Variants in RTTN observed in about 807,000 individuals in gnomAD.
RTTN encodes rotatin.
Under a neutral mutation model 269.2 loss-of-function variants are expected in RTTN, and 182 were observed. The ratio of observed to expected loss-of-function variants is 0.68; its 90% confidence interval spans 0.60 to 0.76. The LOEUF (loss-of-function observed/expected upper bound fraction) is 0.76, where lower values mean the gene tolerates loss of function less well. Ranked by LOEUF, RTTN falls within the 30% of genes least tolerant of loss-of-function variation. The pLI, the probability that RTTN is intolerant of heterozygous loss-of-function variation, is 0.00. For missense variants in RTTN, 2,545 were observed against 2,608.6 expected (o/e 0.98, Z 0.53); for synonymous variants, 1,006 against 963.5 (o/e 1.04, Z -0.82).
At chr18:70,103,906 T>TAGAG (rs927548129) in intron 28 of RTTN, among the ~76,000 whole-genome samples, 1 of 152,200 alleles carries the variant, frequency 6.6e-6, no homozygotes, top group Admixed American at 6.5e-5. Flanking sequence ...CCTTTCTCTC[T>TAGAG]GGCTGCCCTT....
chr18:70,144,716 G>A (rs972502193), intron 18 of RTTN, among the ~76,000 whole-genome samples: 3 of 152,106 alleles, frequency 2.0e-5, no homozygotes, highest in Admixed American at 6.6e-5. Flanking sequence ...CCCCCTGCCA[G>A]CACTGTCATA....
intron 33 of RTTN, chr18:70,074,826 G>A (rs1052036308): frequency 6.6e-5 from 10 of 151,596 alleles, no homozygotes; most frequent in African/African-American, 2.2e-4. Flanking sequence ...GAATAAAAAG[G>A]TTTCAGGAAA....
At chr18:70,020,406 G>C (rs1182269840) in intron 45 of RTTN, among the ~76,000 whole-genome samples, 2 of 152,136 alleles carry the variant, frequency 1.3e-5, no homozygotes, top group Middle Eastern at 3.2e-3. Flanking sequence ...AGAAGGAAAT[G>C]GTATGACTCT....
At chr18:70,031,082 TTCA>T in intron 40 of RTTN, 101 bp from the exon 41 acceptor site, 1 of 704,152 alleles carries the variant, frequency 1.4e-6, no homozygotes, top group East Asian at 2.7e-5. Flanking sequence ...ATTGCTAGGT[TTCA>T]ACTATCATGT....
chr18:70,039,373 A>T (rs1271551733), intron 40 of RTTN, among the ~76,000 whole-genome samples: 3 of 152,008 alleles, frequency 2.0e-5, no homozygotes, highest in African/African-American at 4.8e-5. Flanking sequence ...ACAGGTCACG[A>T]GAGAGTGGCA....
chr18:70,082,294 T>A (rs1455940388), intron 32 of RTTN, among the ~76,000 whole-genome samples: 1 of 152,204 alleles, frequency 6.6e-6, no homozygotes, highest in Non-Finnish European at 1.5e-5. Context: ...ATACATAACA[T>A]GATTATAACA....
chr18:70,102,315 C>T (rs1568382325), intron 28 of RTTN, among the ~76,000 whole-genome samples: 1 of 152,184 alleles, frequency 6.6e-6, no homozygotes, highest in Non-Finnish European at 1.5e-5. Flanking sequence ...GAACTGATCC[C>T]TTTACCATTA....
intron 14 of RTTN, among the ~76,000 whole-genome samples, chr18:70,163,451 G>A (rs2060901924): frequency 6.6e-6 from 1 of 151,774 alleles, no homozygotes; most frequent in African/African-American, 2.4e-5. Context: ...GGCACTGCCA[G>A]TGGGAACATA....
chr18:70,023,318 G>C (rs2056760376), intron 44 of RTTN, among the ~76,000 whole-genome samples: 1 of 152,080 alleles, frequency 6.6e-6, no homozygotes, highest in Non-Finnish European at 1.5e-5. Flanking sequence ...CTAAATTTTA[G>C]AGTAATTTCT....
intron 28 of RTTN, among the ~76,000 whole-genome samples, chr18:70,106,783 C>A (rs2059331857): frequency 6.6e-6 from 1 of 151,920 alleles, no homozygotes; most frequent in Non-Finnish European, 1.5e-5. Flanking sequence ...CAAGAAGTCA[C>A]CCACAGCATG....
chr18:70,122,470 C>T (rs2059763873), intron 25 of RTTN, among the ~76,000 whole-genome samples: 1 of 152,062 alleles, frequency 6.6e-6, no homozygotes, highest in South Asian at 2.1e-4. Context: ...TCTTAATACT[C>T]AGCATTTATG....
At chr18:70,130,753 T>C (rs186731664) in intron 23 of RTTN, 5 of 150,458 alleles carry the variant, frequency 3.3e-5, no homozygotes, top group Admixed American at 6.6e-5. Flanking sequence ...TTAACAGTAA[T>C]TTGTTGTATA....
rs766459740 is a variant in RTTN, at chr18:70,054,148, C to T, written c.5168G>A (p.Cys1723Tyr). 6.2e-7 allele frequency: 1 copy of T among 1,613,120 alleles called. No individual in the cohort carries two copies. Among genetic ancestry groups the T allele is most frequent in the Non-Finnish European group, 8.5e-7 (1 of 1,179,176 alleles). The change falls in exon 38 of 49, where the codon TGT becomes TAT. Residue 1723 changes from cysteine to tyrosine, a missense_variant. By Grantham distance (194) the Cys-to-Tyr change is radical. Transcript: ENST00000640769. ...AAGCTTACCTAATACATCTTTGGTA[C>T]ATATGGTGAGAATTCCAATGATATT... ...ITNIIGILTI[C>Y]TKDVLDKELI...
chr18:70,093,113 G>T lies in RTTN; in HGVS notation c.3904-309C>A, dbSNP rs558146772. ...CCAGCTACCGGGGAAGCTGAGGAGGGAGGATCCCTTGAGCCTGGGAGCTGG... is the reference window on the plus strand; with the variant it reads ...CCAGCTACCGGGGAAGCTGAGGAGGTAGGATCCCTTGAGCCTGGGAGCTGG... On this transcript the variant is annotated intron_variant, in intron 28 of 48. Coordinates refer to ENST00000640769, the MANE Select transcript of RTTN (RefSeq NM_173630.4). Among the ~76,000 whole-genome samples, 37 of 152,280 alleles carry T rather than the reference G, an allele frequency of 2.4e-4. 1 individual carries two copies. Among genetic ancestry groups the T allele is most frequent in the African/African-American group, 8.2e-4 (34 of 41,560 alleles).
chr18:70,102,455 C>T (rs547952434), intron 28 of RTTN, among the ~76,000 whole-genome samples: 2 of 152,214 alleles, frequency 1.3e-5, no homozygotes, highest in African/African-American at 2.4e-5. Flanking sequence ...TATTTTGAGC[C>T]TATGTATGTC....
chr18:70,127,330 C>G (rs956657204), intron 25 of RTTN, among the ~76,000 whole-genome samples, 172 bp downstream of exon 25: 1 of 152,122 alleles, frequency 6.6e-6, no homozygotes, highest in African/African-American at 2.4e-5. Flanking sequence ...AATGCAATAA[C>G]TAAATTAAAA....
chr18:70,042,622 C>T lies in RTTN; in HGVS notation c.5541+5349G>A, dbSNP rs186827428. Among the ~76,000 whole-genome samples the T allele has an allele frequency of 7.9e-5, 12 of 151,822 alleles. No individual in the cohort carries two copies. The East Asian group carries it at 1.7e-3, about 22-fold the overall frequency. ...CGATCTCCTGACCTCGTGATCCGCC[C>T]GCCTCAGCCTCCCAACGTGCTGGGA... On this transcript the variant is annotated intron_variant, in intron 40 of 48. Coordinates refer to ENST00000640769, the MANE Select transcript of RTTN (RefSeq NM_173630.4).
intron 30 of RTTN, among the ~76,000 whole-genome samples, chr18:70,089,768 G>A (rs1370662643): frequency 6.6e-6 from 1 of 152,200 alleles, no homozygotes; most frequent in Non-Finnish European, 1.5e-5. Context: ...TTTGTGAAAG[G>A]CAGAACTTGT....
chr18:70,197,586 C>G lies in RTTN; in HGVS notation c.693+38G>C, dbSNP rs116130278. Reference sequence around the variant, plus strand: ...AATTTGCTTTATTGCAAAAAGTTCTCTAGTTCAAAATCTAAAACAATTATA... The same window carrying G: ...AATTTGCTTTATTGCAAAAAGTTCTGTAGTTCAAAATCTAAAACAATTATA... On this transcript the variant is annotated intron_variant, in intron 6 of 48. Coordinates refer to ENST00000640769, the MANE Select transcript of RTTN (RefSeq NM_173630.4). 661 of 1,337,412 alleles carry G rather than the reference C, an allele frequency of 4.9e-4. 3 individuals are homozygous for G. The African/African-American group carries it at 7.9e-3, about 16-fold the overall frequency. 82.8% of individuals were successfully genotyped at this position (1,337,412 alleles called of 1,614,324 possible).
Sources: allele counts gnomAD v4.1 joint callset (sites outside exome capture counted in the v4.1 genomes callset), GRCh38; gene constraint gnomAD v4.1.1; transcripts MANE v1.5; gene names NCBI Gene and HGNC (gene_info 2026-07-23, HGNC 2026-07-21).